RGS7: variants seen among roughly 807,000 people sequenced by gnomAD.
RGS7 encodes regulator of G protein signaling 7, also known as regulator of G-protein signaling 7.
A neutral mutation model predicts 81.1 loss-of-function variants in RGS7; 27 were observed. The ratio of observed to expected loss-of-function variants is 0.33; its 90% CI spans 0.25 to 0.46. The LOEUF is 0.46. RGS7 is among the 20% of genes least tolerant of loss of function. RGS7 has a pLI of 1.00. For synonymous variants in RGS7, 208 were observed against 207.7 expected (o/e 1.00, Z -0.01); for missense variants, 396 against 607.4 (o/e 0.65, Z 3.66).
chr1:241,006,049 G>A (rs1369546092), intron 3 of RGS7, among the ~76,000 whole-genome samples: 1 of 151,896 alleles, frequency 6.6e-6, no homozygotes, highest in Non-Finnish European at 1.5e-5. Flanking sequence ...CGTTTATTTT[G>A]GTAAATCCCT....
At chr1:240,821,038 A>G (rs543303722) in intron 10 of RGS7, among the ~76,000 whole-genome samples, 1 of 152,154 alleles carries the variant, frequency 6.6e-6, no homozygotes, top group Non-Finnish European at 1.5e-5. Flanking sequence ...GGAAGTCAGT[A>G]CACAGAAAGA....
At chr1:241,313,388 G>A (rs1558305787) in intron 2 of RGS7, among the ~76,000 whole-genome samples, 1 of 152,202 alleles carries the variant, frequency 6.6e-6, no homozygotes, top group Non-Finnish European at 1.5e-5. Context: ...AGAGGCTAAT[G>A]CCGCTGGTGA....
chr1:240,947,534 G>T (rs1407129685), intron 4 of RGS7, among the ~76,000 whole-genome samples: 2 of 151,922 alleles, frequency 1.3e-5, no homozygotes, highest in Non-Finnish European at 2.9e-5. Context: ...CCCATTCACC[G>T]ACTCCAGTCC....
intron 17 of RGS7, among the ~76,000 whole-genome samples, chr1:240,801,119 A>C (rs1687952810): frequency 6.6e-6 from 1 of 152,256 alleles, no homozygotes; most frequent in South Asian, 2.1e-4. Context: ...GAGCATAGAA[A>C]TACATGCACT....
chr1:240,951,088 A>AT (rs200433047), intron 4 of RGS7, among the ~76,000 whole-genome samples: 3,745 of 151,944 alleles, frequency 0.025, 93 homozygotes, highest in African/African-American at 0.055. Flanking sequence ...CACCGGGCTA[A>AT]TTTTTTTTAT....
At chr1:241,174,017 A>G (rs1310326688) in intron 2 of RGS7, among the ~76,000 whole-genome samples, 2 of 152,232 alleles carry the variant, frequency 1.3e-5, no homozygotes, top group African/African-American at 4.8e-5. Flanking sequence ...CTCATGATAT[A>G]CAGAGTTTGA....
chr1:241,101,224 G>A (rs1344850846), intron 2 of RGS7, among the ~76,000 whole-genome samples: 3 of 152,214 alleles, frequency 2.0e-5, no homozygotes, highest in Non-Finnish European at 2.9e-5. Context: ...TGCTGGGCAC[G>A]GTGGCTCACG....
chr1:240,802,953 C>T lies in RGS7; in HGVS notation c.1310G>A (p.Arg437His), dbSNP rs780215301. 2 of 1,612,400 alleles carry T rather than the reference C, an allele frequency of 1.2e-6. No individual in the cohort carries two copies. Among genetic ancestry groups the T allele is most frequent in the South Asian group, 1.1e-5 (1 of 91,040 alleles). Reference sequence around the variant, plus strand: ...CTGATAGGCACTGGATCTTATAAAACGTGGGTATGAATCACTTTTCATCAG... The same window carrying T: ...CTGATAGGCACTGGATCTTATAAAATGTGGGTATGAATCACTTTTCATCAG... Reference protein sequence around the residue: ...YKLMKSDSYPRFIRSSAYQEL... With the variant: ...YKLMKSDSYPHFIRSSAYQEL... Residue 437 changes from arginine (R) to histidine (H), a missense_variant, in exon 16 of 19, where the codon CGT becomes CAT. Arg to His is a conservative substitution (Grantham distance 29). Coordinates refer to ENST00000440928, the MANE Select transcript of RGS7 (RefSeq NM_001364886.1).
At chr1:241,190,318 A>T (rs2072541302) in intron 2 of RGS7, among the ~76,000 whole-genome samples, 1 of 151,940 alleles carries the variant, frequency 6.6e-6, no homozygotes, top group Admixed American at 6.6e-5. Flanking sequence ...GTTCCTTTGA[A>T]TTTTCATATG....
At chr1:241,096,133 A>G (rs774240175) in intron 3 of RGS7, among the ~76,000 whole-genome samples, 7 of 152,208 alleles carry the variant, frequency 4.6e-5, no homozygotes, top group Non-Finnish European at 1.0e-4. Context: ...ACTAAGGGCA[A>G]TAAAGTCAGC....
intron 10 of RGS7, among the ~76,000 whole-genome samples, chr1:240,824,501 C>A (rs540840544): frequency 6.6e-6 from 1 of 152,366 alleles, no homozygotes; most frequent in Admixed American, 6.5e-5. Flanking sequence ...GGGCAACTGG[C>A]TGGCCTCTGC....
intron 6 of RGS7, among the ~76,000 whole-genome samples, chr1:240,908,362 AT>A (rs1671191011): frequency 6.6e-6 from 1 of 152,188 alleles, no homozygotes; most frequent in Non-Finnish European, 1.5e-5. Context: ...ATTAAATTAA[AT>A]TAAAAAAAGA....
chr1:241,206,342 C>T (rs773664329), intron 2 of RGS7, among the ~76,000 whole-genome samples: 6 of 151,402 alleles, frequency 4.0e-5, no homozygotes, highest in Non-Finnish European at 7.4e-5. Context: ...CTCCTCCCTC[C>T]GTCTCCTGAG....
rs145011164 is a variant in RGS7, at chr1:240,885,607, G to T, written c.386-15488C>A. 5.8e-3 allele frequency among the ~76,000 whole-genome samples: 883 copies of T among 152,278 alleles called. 6 individuals carry two copies. The highest frequency in any genetic ancestry group is 0.02 in the African/African-American group (840 of 41,542). On this transcript the variant is annotated intron_variant, in intron 6 of 18. Transcript: ENST00000440928. ...TCATGTCTTTTGAGGGAACATGGAT[G>T]GAGCTGGAGGCCATTATCCTTAGTA...
chr1:240,948,143 T>C (rs1389079224), intron 4 of RGS7, among the ~76,000 whole-genome samples: 1 of 152,244 alleles, frequency 6.6e-6, no homozygotes, highest in African/African-American at 2.4e-5. Flanking sequence ...TTTTATTTAG[T>C]ACTCATCACC....
intron 2 of RGS7, among the ~76,000 whole-genome samples, chr1:241,230,985 T>A (rs2075632156): frequency 6.6e-6 from 1 of 152,220 alleles, no homozygotes; most frequent in South Asian, 2.1e-4. Context: ...CTGATCATGA[T>A]AACTCTTTTG....
chr1:240,900,965 T>C (rs1038355248), intron 6 of RGS7, among the ~76,000 whole-genome samples: 1 of 148,742 alleles, frequency 6.7e-6, no homozygotes. Flanking sequence ...CCTGGCCGAT[T>C]TGTTTACCTA....
intron 4 of RGS7, among the ~76,000 whole-genome samples, chr1:240,955,551 CAAAAA>C (rs369155474): frequency 1.2e-3 from 168 of 140,064 alleles, no homozygotes; most frequent in African/African-American, 4.2e-3. Context: ...GACTCTGTCT[CAAAAA>C]AAAAAAAAAA....
At chr1:241,142,605 TC>T (rs2068013461) in intron 2 of RGS7, among the ~76,000 whole-genome samples, 1 of 152,084 alleles carries the variant, frequency 6.6e-6, no homozygotes, top group African/African-American at 2.4e-5. Context: ...GAAGGACAAG[TC>T]CCTAGGCTGC....
Sources: gnomAD v4.1 joint callset for allele counts (sites outside exome capture counted in the v4.1 genomes callset) on GRCh38, gnomAD v4.1.1 for gene constraint, MANE v1.5 for transcripts, NCBI Gene and HGNC (gene_info 2026-07-23, HGNC 2026-07-21) for gene names.